C1orf159: variants seen among roughly 807,000 people sequenced by gnomAD.
C1orf159 encodes uncharacterized protein C1orf159.
Under a neutral mutation model 25.6 loss-of-function variants are expected in C1orf159, and 19 were observed. The ratio of observed to expected loss-of-function variants is 0.74; its 90% confidence interval spans 0.52 to 1.09. C1orf159 has a LOEUF of 1.09. Ranked by LOEUF, C1orf159 falls within the 50% of genes least tolerant of loss-of-function variation. The pLI is 0.00. For synonymous variants in C1orf159, 139 were observed against 124.7 expected, an observed-to-expected ratio of 1.12 and a Z score of -0.77; for missense variants, 274 against 290.6, an observed-to-expected ratio of 0.94 and a Z score of 0.42.
intron 9 of C1orf159, chr1:1,084,010 A>C (rs147514903): frequency 3.7e-6 from 6 of 1,605,660 alleles, no homozygotes; most frequent in Non-Finnish European, 5.1e-6. Context: ...CCTCGGGTGG[A>C]GCTGGACTTC....
rs1391933526 is a variant in C1orf159, at chr1:1,085,984, G to A, written c.339C>T (p.Phe113=). The A allele has an allele frequency of 6.2e-7, 1 of 1,613,102 alleles. No individual in the cohort carries two copies. The highest frequency in any genetic ancestry group is 1.3e-5 in the African/African-American group (1 of 74,944). ...CGGAGCTAATGAAGAACGTGCCCAG[G>A]AAGAGGGAGGCGGCCACGCGCGGAG... ...PGAPRVAASL[F]LGTFFISSGL... The change falls in exon 7 of 10, where the codon TTC becomes TTT. Residue 113 remains phenylalanine, a synonymous_variant. Coordinates refer to ENST00000421241, the MANE Select transcript of C1orf159 (RefSeq NM_017891.5).
At chr1:1,109,675 C>T (rs149981888) in intron 1 of C1orf159, among the ~76,000 whole-genome samples, 4 of 152,224 alleles carry the variant, frequency 2.6e-5, no homozygotes, top group African/African-American at 7.2e-5. Flanking sequence ...TGCTGTGTTT[C>T]GCAGGCTGGT....
At chr1:1,097,601 T>TC (rs1292353024) in intron 1 of C1orf159, among the ~76,000 whole-genome samples, 1 of 150,624 alleles carries the variant, frequency 6.6e-6, no homozygotes, top group Non-Finnish European at 1.5e-5. Flanking sequence ...TTTTTTTTTT[T>TC]TTGTAGAGAT....
chr1:1,112,337 C>T (rs1036482039), intron 1 of C1orf159, among the ~76,000 whole-genome samples: 2 of 152,220 alleles, frequency 1.3e-5, no homozygotes, highest in Non-Finnish European at 2.9e-5. Flanking sequence ...TGACAGGTAA[C>T]GGAAGAACGC....
chr1:1,097,619 CCTT>C (rs1646028022), intron 1 of C1orf159, among the ~76,000 whole-genome samples: 1 of 140,794 alleles, frequency 7.1e-6, no homozygotes, highest in African/African-American at 2.8e-5. Context: ...GATGGGGTCT[CCTT>C]CTGATTCCCA....
In C1orf159 at chr1:1,110,301, G is replaced by C. The variant is rs1168028484; in HGVS notation, c.-136+5759C>G. ...GTTTCTCTGGGGTCCCCTTGACCAA[G>C]AGGGAGCTCGTTCAGTCGGCGGGGG... On this transcript the variant is annotated intron_variant, in intron 1 of 9. Transcript: ENST00000421241. The surrounding 1 kb of genome is among the most constrained non-coding windows in gnomAD (Gnocchi z 4.8). Among the ~76,000 whole-genome samples the C allele has an allele frequency of 6.6e-6, 1 of 152,202 alleles. No individual in the cohort carries two copies.
intron 1 of C1orf159, among the ~76,000 whole-genome samples, chr1:1,115,260 C>T (rs1249283753): frequency 7.1e-6 from 1 of 140,844 alleles, no homozygotes; most frequent in Non-Finnish European, 1.5e-5. Flanking sequence ...ATCATCGACT[C>T]GCTGCCACCG....
In C1orf159 at chr1:1,089,008, C is replaced by T. The variant is rs963789408; in HGVS notation, c.148+1345G>A. Among the ~76,000 whole-genome samples, 2 of 152,252 alleles carry T rather than the reference C, an allele frequency of 1.3e-5. No individual in the cohort carries two copies. Among genetic ancestry groups the T allele is most frequent in the South Asian group, 2.1e-4 (1 of 4,838 alleles). ...CGAGGCTCTGTCTGAGAGTCTCTGCCCCGGAGGCCGAAGAACGGAGTCCAC... is the reference window on the plus strand; with the variant it reads ...CGAGGCTCTGTCTGAGAGTCTCTGCTCCGGAGGCCGAAGAACGGAGTCCAC... On this transcript the variant is annotated intron_variant, in intron 4 of 9. Transcript: ENST00000421241. This position sits in a 1 kb window ranked among gnomAD's most constrained non-coding sequence, Gnocchi z 7.5.
At chr1:1,104,593 G>C (rs1002308442) in intron 1 of C1orf159, among the ~76,000 whole-genome samples, 2 of 152,198 alleles carry the variant, frequency 1.3e-5, no homozygotes, top group African/African-American at 4.8e-5. Context: ...TCTAGACGGT[G>C]GGCGCTGGTG....
intron 4 of C1orf159, among the ~76,000 whole-genome samples, chr1:1,088,949 G>A (rs1328677543): frequency 6.6e-6 from 1 of 152,184 alleles, no homozygotes; most frequent in Non-Finnish European, 1.5e-5. Context: ...TCTGTCTCCC[G>A]GCATCTCCTG....
At chr1:1,114,493 G>A (rs1646306707) in intron 1 of C1orf159, among the ~76,000 whole-genome samples, 1 of 152,228 alleles carries the variant, frequency 6.6e-6, no homozygotes, top group Non-Finnish European at 1.5e-5. Flanking sequence ...CCGCAAGGCA[G>A]GGAGCAGCTG....
rs2100741722 is a variant in C1orf159 at position 1,085,906 on chromosome 1, G to A, written c.417C>T (p.Leu139=). The stretch of plus-strand genomic sequence containing the variant: ...TGTTTCTTCTGTAGCAGGCCCTGGG[G>A]AGTTTACTGGAGCGCTTGAGGTAGA... ...GFFYLKRSSK[L]PRACYRRNKA... Residue 139 remains leucine, a synonymous_variant, in exon 7 of 10, where the codon CTC becomes CTT. Transcript: ENST00000421241. The A allele has an allele frequency of 1.9e-6, 3 of 1,613,464 alleles. No homozygotes were observed. Among genetic ancestry groups the A allele is most frequent in the Non-Finnish European group, 2.5e-6 (3 of 1,179,844 alleles).
At position 1,082,956 on chromosome 1, in the gene C1orf159, C is replaced by A. The variant is rs752029618; in HGVS notation, c.534G>T (p.Arg178=). The A allele has an allele frequency of 5.6e-6, 9 of 1,602,678 alleles. No homozygotes were observed. The highest frequency in any genetic ancestry group is 7.7e-6 in the Non-Finnish European group (9 of 1,175,510). Reference sequence around the variant, plus strand: ...CGGGATCCGTGGCCCTGTCCAGGGGCCGCTCCCGCCTGACGTAGCGCGGCT... The same window carrying A: ...CGGGATCCGTGGCCCTGTCCAGGGGACGCTCCCGCCTGACGTAGCGCGGCT... The part of the protein sequence containing the change: ...VRKPRYVRRE[R]PLDRATDPAA... Residue 178 remains arginine, a synonymous_variant, in exon 10 of 10, where the codon CGG becomes CGT. Transcript: ENST00000421241.
intron 2 of C1orf159, 194 bp downstream of exon 2, chr1:1,091,797 G>GAGGGTGGGGCCAAATGGAGAT (rs1645942553): frequency 5.0e-6 from 2 of 399,584 alleles, no homozygotes; most frequent in Admixed American, 3.3e-5. Flanking sequence ...CTGTGGCAGG[G>GAGGGTGGGGCCAAATGGAGAT]AGGGTGGGGC....
chr1:1,108,578 CCACCACAGCCACCATGTCTCGGCACCGTT>C (rs1447897335), intron 1 of C1orf159, among the ~76,000 whole-genome samples: 3 of 137,660 alleles, frequency 2.2e-5, no homozygotes, highest in Non-Finnish European at 4.7e-5. Flanking sequence ...TCGGCACCGT[CCACCACAGCCACCATGTCTCGGCACCGTT>C]CACCACAGCC....
At chr1:1,108,053 C>T (rs1239449527) in intron 1 of C1orf159, among the ~76,000 whole-genome samples, 1 of 152,218 alleles carries the variant, frequency 6.6e-6, no homozygotes, top group African/African-American at 2.4e-5. Flanking sequence ...ACATTAGCAG[C>T]ACCATTCACC....
chr1:1,114,753 G>C (rs1646310747), intron 1 of C1orf159, among the ~76,000 whole-genome samples: 1 of 152,156 alleles, frequency 6.6e-6, no homozygotes, highest in Non-Finnish European at 1.5e-5. Flanking sequence ...ATCCCAGGCG[G>C]CCGCCCCTAC....
At chr1:1,088,571 C>T (rs527417795) in intron 4 of C1orf159, among the ~76,000 whole-genome samples, 18 of 151,540 alleles carry the variant, frequency 1.2e-4, no homozygotes, top group Admixed American at 2.6e-4. Context: ...GCCGACGCTG[C>T]GCCTGAAGCC....
chr1:1,100,266 G>A (rs1247320675), intron 1 of C1orf159, among the ~76,000 whole-genome samples: 1 of 150,112 alleles, frequency 6.7e-6, no homozygotes, highest in Admixed American at 6.6e-5. Flanking sequence ...GGTAGATGTA[G>A]GTATGTTAAT....
Sources: allele counts gnomAD v4.1 joint callset (sites outside exome capture counted in the v4.1 genomes callset), GRCh38; gene constraint gnomAD v4.1.1; non-coding constraint Gnocchi (gnomAD v3.1); transcripts MANE v1.5; gene names NCBI Gene and HGNC (gene_info 2026-07-23, HGNC 2026-07-21).